The following SEPTIN10 variants were observed in gnomAD, a reference collection of about 807,000 sequenced individuals.
SEPTIN10 encodes septin 10.
In SEPTIN10, 66 loss-of-function variants were observed where a neutral mutation model predicts 54.8. The observed-to-expected ratio is 1.21, with a 90% CI of 0.99 to 1.48. The LOEUF (loss-of-function observed/expected upper bound fraction) is 1.48, where lower values mean the gene tolerates loss of function less well. Ranked by LOEUF, SEPTIN10 falls within the 40% of genes most tolerant of loss-of-function variation. The probability of loss-of-function intolerance (pLI) is 0.00; values close to 1 mark genes in which losing one functional copy is unlikely to be tolerated. For synonymous variants in SEPTIN10, 161 were observed against 181.0 expected (o/e 0.89, Z 0.89); for missense variants, 620 against 545.6 (o/e 1.14, Z -1.36).
rs1699844742 is a variant in SEPTIN10, at chr2:109,613,780, G to A, written c.30+18C>T. On this transcript the variant is annotated intron_variant, in intron 1 of 10. Transcript: ENST00000397712. ...CCGGGGAGCGCGGGGCTGGGGCCCC[G>A]GCGTCGGCGGGACTCACCAGGTGCC... The A allele has an allele frequency of 1.6e-6, 2 of 1,223,226 alleles. No individual in the cohort carries two copies. Among genetic ancestry groups the A allele is most frequent in the Non-Finnish European group, 2.0e-6 (2 of 982,066 alleles). 75.8% of individuals were successfully genotyped at this position (1,223,226 alleles called of 1,614,324 possible). A position where few individuals can be genotyped will look rare whatever the true frequency, so the allele number is the denominator to read the frequency against.
intron 2 of SEPTIN10, among the ~76,000 whole-genome samples, chr2:109,590,007 A>T (rs943997676): frequency 6.6e-6 from 1 of 151,250 alleles, no homozygotes; most frequent in East Asian, 1.9e-4. Context: ...TTTTCACATA[A>T]TCATATATAT....
intron 5 of SEPTIN10, among the ~76,000 whole-genome samples, chr2:109,570,611 G>A (rs1443966328): frequency 2.3e-5 from 3 of 132,936 alleles, no homozygotes; most frequent in East Asian, 3.3e-4. Flanking sequence ...TGCAACCTCC[G>A]CCTCCCAAGT....
intron 8 of SEPTIN10, among the ~76,000 whole-genome samples, chr2:109,560,021 C>T (rs1007771651): frequency 2.0e-5 from 3 of 150,278 alleles, no homozygotes; most frequent in East Asian, 2.0e-4. Context: ...CCTAGGTTCA[C>T]GCCATTCTCC....
rs767767642 is a variant in SEPTIN10, at chr2:109,546,117, C to T, written c.1282G>A (p.Glu428Lys). 9 of 1,610,836 alleles carry T rather than the reference C, an allele frequency of 5.6e-6. No homozygotes were observed. The highest frequency in any genetic ancestry group is 2.7e-5 in the African/African-American group (2 of 74,526). The change falls in exon 10 of 11, where the codon GAG becomes AAG. Residue 428 changes from glutamate (E) to lysine (K), a missense_variant. Transcript: ENST00000397712. Reference protein sequence around the residue: ...IAFSKKKATSEIFHSQSFLAT... With the variant: ...IAFSKKKATSKIFHSQSFLAT... Reference sequence around the variant, plus strand: ...AGAAAGGACTGGCTGTGAAATATCTCGGAGGTAGCTTTCTTTTTAGAGAAA... The same window carrying T: ...AGAAAGGACTGGCTGTGAAATATCTTGGAGGTAGCTTTCTTTTTAGAGAAA...
Position 109,564,470 on chromosome 2 carries a change from C to T in SEPTIN10, c.924G>A (p.Glu308=), listed in dbSNP as rs1486312271. The T allele has an allele frequency of 1.9e-6, 3 of 1,588,644 alleles. No individual in the cohort carries two copies. Among genetic ancestry groups the T allele is most frequent in the Non-Finnish European group, 2.6e-6 (3 of 1,164,222 alleles). ...LREMLICTNM[E]DLREQTHTRH... ...TGGTATGGGTCTGCTCTCGCAGGTC[C>T]TCCATATTTGTACAAATGAGCATTT... Residue 308 remains glutamate (E), a synonymous_variant, in exon 8 of 11, where the codon GAG becomes GAA. Coordinates refer to ENST00000397712, the MANE Select transcript of SEPTIN10 (RefSeq NM_144710.5).
At chr2:109,566,703 C>G (rs990967) in intron 6 of SEPTIN10, among the ~76,000 whole-genome samples, 139,059 of 152,060 alleles carry the variant, frequency 0.91, 63,738 homozygotes, top group Middle Eastern at 0.97. Context: ...AGCTAACCCA[C>G]ATCAAGAAGA....
chr2:109,575,675 A>C (rs1558793830), intron 4 of SEPTIN10, among the ~76,000 whole-genome samples: 1 of 152,236 alleles, frequency 6.6e-6, no homozygotes. Context: ...TATTCTCATT[A>C]AACAAATCTG....
Position 109,553,078 on chromosome 2 carries a change from C to G in SEPTIN10, c.1161+9G>C, listed in dbSNP as rs1366329970. The G allele has an allele frequency of 4.3e-6, 7 of 1,610,380 alleles. No homozygotes were observed. In the Admixed American group the frequency reaches 1.2e-4, roughly 27 times the overall value. ...ATAAATGCAAATCACATCAAACCAGCATACTTGCCTCTCTCTCAGCTTCTT... is the reference window on the plus strand; with the variant it reads ...ATAAATGCAAATCACATCAAACCAGGATACTTGCCTCTCTCTCAGCTTCTT... On this transcript the variant is annotated intron_variant, in intron 9 of 10. Transcript: ENST00000397712.
chr2:109,549,712 C>T (rs1215589476), intron 9 of SEPTIN10, among the ~76,000 whole-genome samples: 27 of 152,166 alleles, frequency 1.8e-4, no homozygotes, highest in Admixed American at 1.8e-3. Flanking sequence ...CCTGAAACCA[C>T]AGGTAGTACC....
At chr2:109,571,946 C>T (rs1022890498) in intron 5 of SEPTIN10, among the ~76,000 whole-genome samples, 22 of 152,170 alleles carry the variant, frequency 1.4e-4, no homozygotes, top group Non-Finnish European at 2.2e-4. Context: ...TGGCCAGTTA[C>T]CTCAAATACC....
At chr2:109,572,865 T>C (rs1009042531) in intron 5 of SEPTIN10, among the ~76,000 whole-genome samples, 2 of 152,154 alleles carry the variant, frequency 1.3e-5, no homozygotes, top group African/African-American at 4.8e-5. Context: ...TCCGCCTGCC[T>C]TGGCCTCCCA....
At chr2:109,566,307 G>C (rs1430152463) in intron 6 of SEPTIN10, among the ~76,000 whole-genome samples, 2 of 151,828 alleles carry the variant, frequency 1.3e-5, no homozygotes, top group Non-Finnish European at 2.9e-5. Context: ...TTTTAGTAGA[G>C]ACGGCGTTTC....
intron 8 of SEPTIN10, among the ~76,000 whole-genome samples, chr2:109,554,376 G>C (rs1330406580): frequency 2.0e-5 from 3 of 152,130 alleles, no homozygotes; most frequent in African/African-American, 7.2e-5. Flanking sequence ...ACATTTTTAT[G>C]TTACAATAAT....
chr2:109,605,082 C>G (rs1697628497), intron 1 of SEPTIN10: 1 of 152,162 alleles, frequency 6.6e-6, no homozygotes, highest in Non-Finnish European at 1.5e-5. Flanking sequence ...ATATACGTGG[C>G]CCAGTGGTAA....
At chr2:109,609,402 T>C (rs1215555571) in intron 1 of SEPTIN10, among the ~76,000 whole-genome samples, 1 of 152,008 alleles carries the variant, frequency 6.6e-6, no homozygotes, top group Non-Finnish European at 1.5e-5. Context: ...AATGCAGAGT[T>C]TACTTGATGC....
intron 1 of SEPTIN10, among the ~76,000 whole-genome samples, chr2:109,598,680 T>C (rs1695869366): frequency 1.3e-5 from 2 of 151,758 alleles, no homozygotes; most frequent in South Asian, 2.1e-4. Flanking sequence ...CCATCTCTAC[T>C]AAAAATACAA....
rs766151908 is a variant in SEPTIN10 at position 109,585,834 on chromosome 2, C to T, written c.104G>A (p.Arg35Lys). The change falls in exon 3 of 11, where the codon AGA becomes AAA. Residue 35 changes from arginine (R) to lysine (K), a missense_variant. Coordinates refer to ENST00000397712, the MANE Select transcript of SEPTIN10 (RefSeq NM_144710.5). Reference sequence around the variant, plus strand: ...CATAGTCAACGAACGAATGTTTTCTCTTTTCTGAAGGAAAATAAAAACAAA... The same window carrying T: ...CATAGTCAACGAACGAATGTTTTCTTTTTTCTGAAGGAAAATAAAAACAAA... ...SQGSDDEQIK[R>K]ENIRSLTMSG... 3.4e-5 allele frequency: 54 copies of T among 1,609,332 alleles called. No individual in the cohort carries two copies. The highest frequency in any genetic ancestry group is 4.6e-5 in the Non-Finnish European group (54 of 1,177,342).
chr2:109,607,627 T>C (rs533711306), intron 1 of SEPTIN10, among the ~76,000 whole-genome samples: 25 of 152,348 alleles, frequency 1.6e-4, no homozygotes, highest in Middle Eastern at 3.4e-3. Flanking sequence ...AAATCTGTTA[T>C]TAATTACATT....
At chr2:109,564,167 G>T (rs1489190888) in intron 8 of SEPTIN10, 199 bp downstream of exon 8, 1 of 430,964 alleles carries the variant, frequency 2.3e-6, no homozygotes, top group Non-Finnish European at 3.9e-6. Context: ...GTCAGACAAG[G>T]ACTTAAAAAG....
Sources: allele counts gnomAD v4.1 joint callset (sites outside exome capture counted in the v4.1 genomes callset), GRCh38; gene constraint gnomAD v4.1.1; transcripts MANE v1.5; gene names NCBI Gene and HGNC (gene_info 2026-07-23, HGNC 2026-07-21).